B3GALNT2: variants seen among roughly 807,000 people sequenced by gnomAD.
B3GALNT2 encodes UDP-GalNAc:beta-1,3-N-acetylgalactosaminyltransferase 2.
Under a neutral mutation model 61.1 loss-of-function variants are expected in B3GALNT2, and 53 were observed. The ratio of observed to expected loss-of-function variants is 0.87; its 90% CI spans 0.70 to 1.09. B3GALNT2 has a LOEUF of 1.09. B3GALNT2 is among the 50% of genes least tolerant of loss of function. The pLI is 0.00. For synonymous variants in B3GALNT2, 223 were observed against 237.4 expected (o/e 0.94, Z 0.56); for missense variants, 544 against 623.0 (o/e 0.87, Z 1.35).
intron 6 of B3GALNT2, among the ~76,000 whole-genome samples, chr1:235,470,290 T>C (rs1261225689): frequency 1.3e-5 from 2 of 152,132 alleles, no homozygotes; most frequent in Non-Finnish European, 2.9e-5. Flanking sequence ...GAATGCTAAC[T>C]TAAAAATTAC....
chr1:235,443,199 C>T (rs1413210128), downstream of B3GALNT2, among the ~76,000 whole-genome samples: 2 of 139,112 alleles, frequency 1.4e-5, no homozygotes, highest in Admixed American at 7.0e-5. Flanking sequence ...TATATATACA[C>T]ACACACACAC....
At chr1:235,490,684 G>A (rs1208261744) in intron 2 of B3GALNT2, among the ~76,000 whole-genome samples, 1 of 152,010 alleles carries the variant, frequency 6.6e-6, no homozygotes, top group East Asian at 1.9e-4. Flanking sequence ...TTGTGAGACG[G>A]TTATTAAACA....
At chr1:235,441,685 C>CAGCT in the B3GALNT2 span, 1 of 778,280 alleles carries the variant, frequency 1.3e-6, no homozygotes, top group African/African-American at 1.7e-5. Context: ...TGAATAAAGG[C>CAGCT]AGCTCCATGT....
intron 11 of B3GALNT2, chr1:235,452,350 T>C (rs533393078): frequency 8.5e-5 from 13 of 152,296 alleles, no homozygotes; most frequent in Admixed American, 3.3e-4. Flanking sequence ...CAGGGGAACG[T>C]TGATTTATAA....
At chr1:235,502,390 G>GT (rs1685622432) in intron 1 of B3GALNT2, among the ~76,000 whole-genome samples, 1 of 152,066 alleles carries the variant, frequency 6.6e-6, no homozygotes, top group South Asian at 2.1e-4. Context: ...GTTTACCTAT[G>GT]TAACAAACTT....
chr1:235,493,069 G>A (rs1396683374), intron 2 of B3GALNT2, among the ~76,000 whole-genome samples: 2 of 152,136 alleles, frequency 1.3e-5, no homozygotes, highest in South Asian at 2.1e-4. Flanking sequence ...AAATGTAGGG[G>A]GTCAAAGGTA....
At chr1:235,457,730 G>C (rs954087025) in intron 8 of B3GALNT2, among the ~76,000 whole-genome samples, 1 of 152,054 alleles carries the variant, frequency 6.6e-6, no homozygotes. Flanking sequence ...TGGATATTCA[G>C]TAGAAGAGAA....
At chr1:235,497,296 G>GT (rs1553354564) in intron 1 of B3GALNT2, among the ~76,000 whole-genome samples, 1 of 152,174 alleles carries the variant, frequency 6.6e-6, no homozygotes, top group Non-Finnish European at 1.5e-5. Context: ...CAAAGGTAGT[G>GT]ACCAGCCAGT....
rs1015400948 is a variant in B3GALNT2 at position 235,449,316 on chromosome 1, C to G, written c.*890G>C. ...ACAATTATACCTAAGCTGAGTATAT[C>G]TTCTTCTGTGATAACCAGCTTTGAT... On this transcript the variant is annotated 3_prime_UTR_variant, in exon 12 of 12. Transcript: ENST00000366600. 2 of 142,822 alleles carry G rather than the reference C, an allele frequency of 1.4e-5. No individual in the cohort carries two copies. The highest frequency in any genetic ancestry group is 6.3e-5 in the African/African-American group (2 of 31,950). 8.8% of individuals were successfully genotyped at this position (142,822 alleles called of 1,614,324 possible). A position where few individuals can be genotyped will look rare whatever the true frequency, so the allele number is the denominator to read the frequency against.
At chr1:235,503,877 G>A (rs1301380258) in intron 1 of B3GALNT2, among the ~76,000 whole-genome samples, 1 of 152,202 alleles carries the variant, frequency 6.6e-6, no homozygotes, top group Non-Finnish European at 1.5e-5. Flanking sequence ...GACAGGCGAA[G>A]GACTTGCAAC....
chr1:235,469,119 GT>G (rs1238421260), intron 6 of B3GALNT2, among the ~76,000 whole-genome samples: 1 of 152,186 alleles, frequency 6.6e-6, no homozygotes, highest in Non-Finnish European at 1.5e-5. Context: ...TGGACTGTAA[GT>G]TCCACGGTGG....
intron 1 of B3GALNT2, chr1:235,496,435 T>G: frequency 1.8e-6 from 1 of 556,258 alleles, no homozygotes; most frequent in Non-Finnish European, 2.3e-6. Context: ...ATTCAAATTT[T>G]CATGGATTAA....
At chr1:235,498,027 G>A (rs896084319) in intron 1 of B3GALNT2, among the ~76,000 whole-genome samples, 7 of 152,084 alleles carry the variant, frequency 4.6e-5, no homozygotes, top group Non-Finnish European at 1.0e-4. Flanking sequence ...AAAGTAACAC[G>A]GCATATCGTG....
intron 1 of B3GALNT2, among the ~76,000 whole-genome samples, chr1:235,498,230 A>G (rs1558444619): frequency 6.6e-6 from 1 of 152,176 alleles, no homozygotes; most frequent in African/African-American, 2.4e-5. Flanking sequence ...CCCTTTACCA[A>G]TCTGGCTCTA....
intron 5 of B3GALNT2, among the ~76,000 whole-genome samples, chr1:235,476,350 G>T (rs1378398902): frequency 6.6e-6 from 1 of 152,178 alleles, no homozygotes; most frequent in Non-Finnish European, 1.5e-5. Context: ...GGCAGAGGTT[G>T]CAGTGAGCGG....
intron 4 of B3GALNT2, among the ~76,000 whole-genome samples, chr1:235,483,443 G>A (rs1333535610): frequency 1.3e-5 from 2 of 152,116 alleles, no homozygotes; most frequent in African/African-American, 4.8e-5. Flanking sequence ...AACAGACAAA[G>A]AAAAAGCACA....
At chr1:235,463,262 C>T (rs1045911416) in intron 7 of B3GALNT2, among the ~76,000 whole-genome samples, 4 of 152,102 alleles carry the variant, frequency 2.6e-5, no homozygotes, top group Non-Finnish European at 4.4e-5. Flanking sequence ...TAAGACTACA[C>T]ACTGGTTACA....
chr1:235,492,467 A>G (rs758118876), intron 2 of B3GALNT2, among the ~76,000 whole-genome samples: 14 of 152,212 alleles, frequency 9.2e-5, no homozygotes, highest in Non-Finnish European at 1.8e-4. Context: ...CAAATAAATT[A>G]GTGGTGAAAT....
At chr1:235,460,175 A>G (rs1368546050) in intron 7 of B3GALNT2, among the ~76,000 whole-genome samples, 1 of 151,920 alleles carries the variant, frequency 6.6e-6, no homozygotes, top group African/African-American at 2.4e-5. Context: ...GTACAATGGC[A>G]CGATCTCAGC....
Sources: gnomAD v4.1 joint callset for allele counts (sites outside exome capture counted in the v4.1 genomes callset) on GRCh38, gnomAD v4.1.1 for gene constraint, MANE v1.5 for transcripts, NCBI Gene and HGNC (gene_info 2026-07-23, HGNC 2026-07-21) for gene names.